PLGRKT: variants seen among roughly 807,000 people sequenced by gnomAD.
PLGRKT encodes the protein plasminogen receptor with a C-terminal lysine, also known as plasminogen receptor (KT).
PLGRKT carries 22 observed loss-of-function variants against 18.5 expected under a neutral mutation model. That is an observed-to-expected ratio of 1.19 (90% CI 0.85 to 1.70). The LOEUF (loss-of-function observed/expected upper bound fraction) is 1.70. Ranked by LOEUF, PLGRKT falls within the 40% of genes most tolerant of loss-of-function variation. The pLI is 0.00. For synonymous variants in PLGRKT, 72 were observed against 52.8 expected, an observed-to-expected ratio of 1.36 and a Z score of -1.58; for missense variants, 235 against 174.4, an observed-to-expected ratio of 1.35 and a Z score of -1.96.
chr9:5,424,688 ATAT>A, intron 3 of PLGRKT, among the ~76,000 whole-genome samples: 1 of 72,360 alleles, frequency 1.4e-5, no homozygotes. Context: ...ATATATATAT[ATAT>A]ACACACAGGG....
intron 3 of PLGRKT, among the ~76,000 whole-genome samples, chr9:5,412,889 A>G (rs913095778): frequency 6.6e-6 from 1 of 152,204 alleles, no homozygotes; most frequent in African/African-American, 2.4e-5. Context: ...TACTCCTAAT[A>G]TTCAAAGAAC....
chr9:5,367,067 A>ACCCCC (rs1554626429), intron 3 of PLGRKT, among the ~76,000 whole-genome samples: 7 of 138,846 alleles, frequency 5.0e-5, no homozygotes, highest in African/African-American at 1.8e-4. Flanking sequence ...ACACACACAC[A>ACCCCC]CCCCTAGGAA....
intron 5 of PLGRKT, among the ~76,000 whole-genome samples, chr9:5,359,061 T>G (rs1364669352): frequency 8.1e-6 from 1 of 123,218 alleles, no homozygotes; most frequent in Non-Finnish European, 1.6e-5. Flanking sequence ...AACACACTAT[T>G]TTATTTTTTT....
At chr9:5,421,952 G>A (rs1351700831) in intron 3 of PLGRKT, among the ~76,000 whole-genome samples, 1 of 152,120 alleles carries the variant, frequency 6.6e-6, no homozygotes, top group Non-Finnish European at 1.5e-5. Context: ...AAAGTTATTT[G>A]GTAAATTGTG....
Position 5,397,302 on chromosome 9 carries a change from G to A in PLGRKT, c.81+34595C>T, listed in dbSNP as rs548018819. Among the ~76,000 whole-genome samples, 392 of 151,874 alleles carry A rather than the reference G, an allele frequency of 2.6e-3. 12 individuals are homozygous for A. The highest frequency in any genetic ancestry group is 9.1e-3 in the African/African-American group (374 of 41,214). On this transcript the variant is annotated intron_variant, in intron 3 of 5. Coordinates refer to ENST00000223864, the MANE Select transcript of PLGRKT (RefSeq NM_018465.4). ...ATGACTTTCCCCTCACTTTATTCACGCTTCTATTCAAATACTTCTTTCCAA... is the reference window on the plus strand; with the variant it reads ...ATGACTTTCCCCTCACTTTATTCACACTTCTATTCAAATACTTCTTTCCAA...
chr9:5,429,445 T>C (rs1399618220), intron 3 of PLGRKT, among the ~76,000 whole-genome samples: 5 of 152,234 alleles, frequency 3.3e-5, no homozygotes, highest in African/African-American at 7.2e-5. Context: ...TTATTGTCTC[T>C]GTTCTGAAGG....
intron 5 of PLGRKT, among the ~76,000 whole-genome samples, chr9:5,358,831 T>G (rs1393518212): frequency 1.3e-5 from 2 of 152,232 alleles, no homozygotes. Context: ...TTCTTCAGTC[T>G]GTATACATAC....
intron 3 of PLGRKT, among the ~76,000 whole-genome samples, chr9:5,413,145 G>A (rs1818396694): frequency 6.6e-6 from 1 of 152,186 alleles, no homozygotes; most frequent in South Asian, 2.1e-4. Flanking sequence ...CCCTTCTGAA[G>A]AGAAACGTAG....
Position 5,418,902 on chromosome 9 carries a change from C to T in PLGRKT, c.81+12995G>A, listed in dbSNP as rs1358966704. 2 of 945,608 alleles carry T rather than the reference C, an allele frequency of 2.1e-6. No homozygotes were observed. Among genetic ancestry groups the T allele is most frequent in the Non-Finnish European group, 3.4e-6 (2 of 595,154 alleles). The allele number at this position is 945,608 out of a possible 1,614,324, so 58.6% of individuals were successfully genotyped here. On this transcript the variant is annotated intron_variant, in intron 3 of 5. Transcript: ENST00000223864. This position sits in a 1 kb window ranked among gnomAD's most constrained non-coding sequence, Gnocchi z 4.2. ...AGCAGGTGTGCTTGCAATCCAGCAA[C>T]TTGGCCTTCACTAGGGGCTGCAGTA...
At position 5,418,448 on chromosome 9, in the gene PLGRKT, C is replaced by T. The variant is rs975620384; in HGVS notation, c.81+13449G>A. ...ACGATGCTGAGGAGGAAGACCAAGACGCAAGCCACCAAGATGACAGTGCAC... is the reference window on the plus strand; with the variant it reads ...ACGATGCTGAGGAGGAAGACCAAGATGCAAGCCACCAAGATGACAGTGCAC... On this transcript the variant is annotated intron_variant, in intron 3 of 5. Coordinates refer to ENST00000223864, the MANE Select transcript of PLGRKT (RefSeq NM_018465.4). This position sits in a 1 kb window ranked among gnomAD's most constrained non-coding sequence, Gnocchi z 4.2. 1.5e-5 allele frequency: 15 copies of T among 1,000,256 alleles called. No homozygotes were observed. Among genetic ancestry groups the T allele is most frequent in the African/African-American group, 4.7e-5 (3 of 63,382 alleles). 62.0% of individuals were successfully genotyped at this position (1,000,256 alleles called of 1,614,324 possible).
intron 3 of PLGRKT, among the ~76,000 whole-genome samples, chr9:5,390,356 C>G (rs1817926034): frequency 6.6e-6 from 1 of 151,592 alleles, no homozygotes; most frequent in Admixed American, 6.6e-5. Flanking sequence ...TCAAGGTAGC[C>G]TCATGCTGGA....
At chr9:5,375,406 T>C (rs945088531) in intron 3 of PLGRKT, among the ~76,000 whole-genome samples, 9 of 152,150 alleles carry the variant, frequency 5.9e-5, no homozygotes, top group Non-Finnish European at 1.2e-4. Context: ...GCATCACTGG[T>C]TTTCAGTTTG....
intron 3 of PLGRKT, among the ~76,000 whole-genome samples, chr9:5,374,663 T>C (rs756127019): frequency 1.1e-4 from 17 of 152,222 alleles, no homozygotes; most frequent in Non-Finnish European, 1.8e-4. Context: ...ATGGTGCAGG[T>C]TATTTCCAAT....
At position 5,377,117 on chromosome 9, in the gene PLGRKT, A is replaced by G. The variant is rs1464841812; in HGVS notation, c.82-15229T>C. ...GATAAGGAGGTAATGAAATACAACA[A>G]AATATCCTGCAACCGTTACAATGAC... On this transcript the variant is annotated intron_variant, in intron 3 of 5. Transcript: ENST00000223864. Among the ~76,000 whole-genome samples the G allele has an allele frequency of 3.9e-5, 6 of 152,198 alleles. No individual in the cohort carries two copies. In the East Asian group the frequency reaches 1.2e-3, roughly 29 times the overall value.
chr9:5,373,599 AGACCAGCCTGGGCAACATAGTGT>A (rs1215693145), intron 3 of PLGRKT, among the ~76,000 whole-genome samples: 4 of 152,130 alleles, frequency 2.6e-5, no homozygotes. Context: ...CGTAAGTTCA[AGACCAGCCTGGGCAACATAGTGT>A]GACTCTGTCT....
In PLGRKT at chr9:5,418,457, C is replaced by T. The variant is rs2131155829; in HGVS notation, c.81+13440G>A. ...AGGAGGAAGACCAAGACGCAAGCCA[C>T]CAAGATGACAGTGCACACCCTCAAC... On this transcript the variant is annotated intron_variant, in intron 3 of 5. Transcript: ENST00000223864. This position sits in a 1 kb window ranked among gnomAD's most constrained non-coding sequence, Gnocchi z 4.2. 1.9e-6 allele frequency: 2 copies of T among 1,044,776 alleles called. No individual in the cohort carries two copies. The highest frequency in any genetic ancestry group is 1.7e-5 in the Admixed American group (1 of 58,040). 64.7% of individuals were successfully genotyped at this position (1,044,776 alleles called of 1,614,324 possible).
intron 3 of PLGRKT, among the ~76,000 whole-genome samples, chr9:5,396,288 T>C (rs567023412): frequency 1.2e-4 from 18 of 151,936 alleles, no homozygotes; most frequent in Admixed American, 1.2e-3. Context: ...ATTTATTTTT[T>C]ATTTTTTTAT....
At chr9:5,380,846 T>C (rs1266102280) in intron 3 of PLGRKT, among the ~76,000 whole-genome samples, 2 of 152,178 alleles carry the variant, frequency 1.3e-5, no homozygotes, top group African/African-American at 2.4e-5. Flanking sequence ...CCAAATCTCA[T>C]CTCAAATTGT....
intron 5 of PLGRKT, 107 bp from the exon 6 acceptor site, chr9:5,358,467 T>C (rs1817187755): frequency 1.2e-6 from 1 of 862,390 alleles, no homozygotes; most frequent in Admixed American, 2.2e-5. Context: ...GTATGAGCCA[T>C]GTCCCCAATC....
Sources: gnomAD v4.1 joint callset for allele counts (sites outside exome capture counted in the v4.1 genomes callset) on GRCh38, gnomAD v4.1.1 for gene constraint, Gnocchi (gnomAD v3.1) non-coding constraint, MANE v1.5 for transcripts, NCBI Gene and HGNC (gene_info 2026-07-23, HGNC 2026-07-21) for gene names.